The following CFAP47 variants were observed in gnomAD, a reference collection of about 807,000 sequenced individuals.
CFAP47 encodes cilia- and flagella-associated protein 47.
In CFAP47, 29 loss-of-function variants were observed where a neutral mutation model predicts 148.1. That is an observed-to-expected ratio of 0.20 (90% CI 0.15 to 0.27). The LOEUF (loss-of-function observed/expected upper bound fraction) is 0.27. Among genes scored for constraint, CFAP47 ranks in the 10% least tolerant of loss-of-function variants. CFAP47 has a pLI of 1.00. For synonymous variants in CFAP47, 664 were observed against 577.3 expected (o/e 1.15, Z -2.15); for missense variants, 1,872 against 1,697.5 (o/e 1.10, Z -1.81).
intron 57 of CFAP47, among the ~76,000 whole-genome samples, chrX:36,346,427 C>A (rs782112504): frequency 9.0e-6 from 1 of 111,104 alleles, no homozygotes; most frequent in East Asian, 2.8e-4. Context: ...CATTGGACCA[C>A]AAGAAAATGT....
intron 50 of CFAP47, among the ~76,000 whole-genome samples, chrX:36,281,555 T>C (rs1941079375): frequency 8.9e-6 from 1 of 112,520 alleles, no homozygotes; most frequent in Admixed American, 9.4e-5. Context: ...TGCTTCTTTT[T>C]GGAGGAACAC....
intron 57 of CFAP47, among the ~76,000 whole-genome samples, chrX:36,329,001 T>C (rs1941542835): frequency 9.0e-6 from 1 of 110,814 alleles, no homozygotes; most frequent in African/African-American, 3.3e-5. Context: ...TCTCAAGAAA[T>C]ACAAAATATA....
At position 36,204,999 on chromosome X, in the gene CFAP47, A is replaced by G. The variant is rs1940024564; in HGVS notation, c.6706A>G (p.Thr2236Ala). ...FRISKLRKPK[T>A]VSYTTEVSLP... The stretch of plus-strand genomic sequence containing the variant: ...TATCTCAAAGTTGAGGAAGCCTAAG[A>G]CCGTTTCATACACAACAGAAGTGAG... Residue 2236 changes from threonine (T) to alanine (A), a missense_variant, in exon 45 of 64, where the codon ACC (threonine) becomes GCC (alanine). By Grantham distance (58) the Thr-to-Ala change is moderately conservative (BLOSUM62 0). Coordinates refer to ENST00000378653, the MANE Select transcript of CFAP47 (RefSeq NM_001304548.2). 2 of 295,657 alleles carry G rather than the reference A, an allele frequency of 6.8e-6. No homozygotes were observed. The highest frequency in any genetic ancestry group is 5.5e-5 in the African/African-American group (2 of 36,344). The allele number at this position is 295,657 out of a possible 1,213,427, so 24.4% of individuals were successfully genotyped here.
intron 30 of CFAP47, among the ~76,000 whole-genome samples, chrX:36,086,668 T>G (rs1406624513): frequency 8.9e-6 from 1 of 111,860 alleles, no homozygotes; most frequent in African/African-American, 3.2e-5. Flanking sequence ...TAAAATATTT[T>G]CTTTCATTTC....
intron 24 of CFAP47, among the ~76,000 whole-genome samples, chrX:36,037,265 C>G (rs1456700441): frequency 9.0e-6 from 1 of 111,559 alleles, no homozygotes; most frequent in Non-Finnish European, 1.9e-5. Flanking sequence ...TTCCATTTGA[C>G]TTTTCTTTCA....
chrX:36,075,983 A>G (rs1454483541), intron 29 of CFAP47, among the ~76,000 whole-genome samples: 1 of 111,214 alleles, frequency 9.0e-6, no homozygotes, highest in Non-Finnish European at 1.9e-5. Flanking sequence ...TATTGCTGTG[A>G]TGAATATACA....
intron 23 of CFAP47, 87 bp from the exon 24 acceptor site, chrX:36,035,608 T>G (rs902601685): frequency 1.1e-5 from 3 of 285,177 alleles, no homozygotes; most frequent in African/African-American, 5.5e-5. Flanking sequence ...ATACATAGGC[T>G]CATCAAATTG....
intron 39 of CFAP47, among the ~76,000 whole-genome samples, chrX:36,172,433 G>A (rs1475544649): frequency 1.9e-5 from 2 of 107,687 alleles, no homozygotes; most frequent in Non-Finnish European, 1.9e-5. Context: ...TTGGCTGTGG[G>A]TTTGTCATAG....
At chrX:36,020,359 A>C (rs1263472000) in intron 22 of CFAP47, among the ~76,000 whole-genome samples, 1 of 112,068 alleles carries the variant, frequency 8.9e-6, no homozygotes, top group Admixed American at 9.5e-5. Flanking sequence ...CTTTTGGTCT[A>C]TAGTGTAGAT....
chrX:35,965,578 C>T (rs763074841), intron 8 of CFAP47, among the ~76,000 whole-genome samples: 58 of 111,605 alleles, frequency 5.2e-4, no homozygotes, highest in Non-Finnish European at 1.7e-4. Context: ...TTATGAATAA[C>T]CTTCTTTTAG....
At chrX:36,052,497 A>G (rs1937524168) in intron 26 of CFAP47, among the ~76,000 whole-genome samples, 1 of 110,546 alleles carries the variant, frequency 9.0e-6, no homozygotes. Context: ...TAATTAATCA[A>G]TACATTCAGA....
chrX:35,925,664 A>T (rs1391064495), intron 1 of CFAP47, among the ~76,000 whole-genome samples: 1 of 112,070 alleles, frequency 8.9e-6, no homozygotes, highest in Non-Finnish European at 1.9e-5. Context: ...TTATTTATTT[A>T]TTTATTTTTT....
chrX:36,327,355 G>C (rs1941525974), intron 57 of CFAP47, among the ~76,000 whole-genome samples: 1 of 111,725 alleles, frequency 9.0e-6, no homozygotes, highest in South Asian at 3.7e-4. Flanking sequence ...GCCAACAAAC[G>C]TATGAAAAAA....
Position 36,149,126 on chromosome X carries a change from A to G in CFAP47, c.5689A>G (p.Ser1897Gly). 1 of 295,653 alleles carries G rather than the reference A, an allele frequency of 3.4e-6. No individual in the cohort carries two copies. Among genetic ancestry groups the G allele is most frequent in the Non-Finnish European group, 5.9e-6 (1 of 169,247 alleles). 24.4% of individuals were successfully genotyped at this position (295,653 alleles called of 1,213,427 possible). A position where few individuals can be genotyped will look rare whatever the true frequency, so the allele number is the denominator to read the frequency against. Residue 1897 changes from serine to glycine, a missense_variant, in exon 37 of 64, where the codon AGC becomes GGC. Transcript: ENST00000378653. The part of the protein sequence containing the change: ...VLNKILLKNS[S>G]SRNLVYNARI... Reference sequence around the variant, plus strand: ...TACATAGATTCTACTGAAAAATTCCAGCTCGCGAAACTTAGTGTATAATGC... The same window carrying G: ...TACATAGATTCTACTGAAAAATTCCGGCTCGCGAAACTTAGTGTATAATGC...
At chrX:35,925,780 C>T (rs1466093586) in intron 1 of CFAP47, among the ~76,000 whole-genome samples, 2 of 111,961 alleles carry the variant, frequency 1.8e-5, no homozygotes, top group Middle Eastern at 4.6e-3. Flanking sequence ...CCTCAGCCTC[C>T]TGAGTAGCTG....
At chrX:36,143,736 G>A (rs934379317) in intron 35 of CFAP47, among the ~76,000 whole-genome samples, 3 of 111,732 alleles carry the variant, frequency 2.7e-5, no homozygotes, top group Non-Finnish European at 3.8e-5. Flanking sequence ...CCATTGCGCT[G>A]TAATTTTGGA....
At chrX:36,050,153 G>A (rs935849997) in intron 26 of CFAP47, among the ~76,000 whole-genome samples, 16 of 111,090 alleles carry the variant, frequency 1.4e-4, no homozygotes, top group African/African-American at 5.2e-4. Context: ...GGACTAATAC[G>A]GTAAATTGGT....
At chrX:35,985,700 A>G (rs1460555661) in intron 15 of CFAP47, among the ~76,000 whole-genome samples, 2 of 111,753 alleles carry the variant, frequency 1.8e-5, no homozygotes, top group Non-Finnish European at 3.8e-5. Context: ...TGCTCAGATC[A>G]GACTAGTCCT....
chrX:36,378,825 G>A (rs1164143917), intron 62 of CFAP47, among the ~76,000 whole-genome samples: 1 of 108,223 alleles, frequency 9.2e-6, no homozygotes, highest in Non-Finnish European at 1.9e-5. Flanking sequence ...ACAGACGTGA[G>A]CCACTGCGCT....
Sources: gnomAD v4.1 joint callset for allele counts (sites outside exome capture counted in the v4.1 genomes callset) on GRCh38, gnomAD v4.1.1 for gene constraint, MANE v1.5 for transcripts, NCBI Gene and HGNC (gene_info 2026-07-23, HGNC 2026-07-21) for gene names.